The following HDGF variants were observed in gnomAD, a reference collection of about 807,000 sequenced individuals.
HDGF encodes the protein hepatoma-derived growth factor.
Under a neutral mutation model 30.0 loss-of-function variants are expected in HDGF, and 5 were observed. The observed-to-expected ratio is 0.17, with a 90% confidence interval of 0.09 to 0.35. The LOEUF (loss-of-function observed/expected upper bound fraction) is 0.35, where lower values mean the gene tolerates loss of function less well. Among genes scored for constraint, HDGF ranks in the 10% least tolerant of loss-of-function variants. The pLI, the probability that HDGF is intolerant of heterozygous loss-of-function variation, is 1.00. For missense variants in HDGF, 214 were observed against 302.8 expected (o/e 0.71, Z 2.18); for synonymous variants, 133 against 112.7 (o/e 1.18, Z -1.14).
At chr1:156,754,992 CG>C (rs1651132146), upstream of HDGF, among the ~76,000 whole-genome samples, 1 of 152,094 alleles carries the variant, frequency 6.6e-6, no homozygotes, top group Non-Finnish European at 1.5e-5. Flanking sequence ...TCAGGAGGTT[CG>C]GAGTGTGTGC....
upstream of HDGF, among the ~76,000 whole-genome samples, chr1:156,753,995 A>C (rs1426356268): frequency 6.6e-6 from 1 of 151,330 alleles, no homozygotes; most frequent in Non-Finnish European, 1.5e-5. Context: ...GGCTCACTGC[A>C]ACCTCCGCCT....
chr1:156,758,836 A>G lies in HDGF; in HGVS notation n.373+147T>C, dbSNP rs1335888105. ...CCCCCTAGAGTTAGATTTAATTGCC[A>G]TAAAAGGATTTGTCCAGGAGAAAGA... is the stretch of plus-strand genomic sequence containing the variant. On this transcript the variant is annotated intron_variant and non_coding_transcript_variant, in intron 2 of 7. Coordinates refer to the HDGF transcript ENST00000465180. 3.3e-5 allele frequency: 5 copies of G among 152,324 alleles called. No individual in the cohort carries two copies. The East Asian group carries it at 5.8e-4, about 18-fold the overall frequency. The allele number at this position is 152,324 out of a possible 1,614,324, so 9.4% of individuals were successfully genotyped here.
rs1650266620 is a variant in HDGF, at chr1:156,743,414, G to T, written c.*35C>A. 6.6e-7 allele frequency: 1 copy of T among 1,512,582 alleles called. No homozygotes were observed. Among genetic ancestry groups the T allele is most frequent in the Non-Finnish European group, 8.8e-7 (1 of 1,134,088 alleles). 93.7% of individuals were successfully genotyped at this position (1,512,582 alleles called of 1,614,324 possible). A position where few individuals can be genotyped will look rare whatever the true frequency, so the allele number is the denominator to read the frequency against. The stretch of plus-strand genomic sequence containing the variant: ...CCCAGTAGCACCCAGACAGCAGCAG[G>T]AACAGGGTGGGGGCTCCTCTTGAAA... On this transcript the variant is annotated 3_prime_UTR_variant, in exon 6 of 6. Coordinates refer to ENST00000357325, the MANE Select transcript of HDGF (RefSeq NM_004494.3).
At chr1:156,751,967 G>T (rs1651015391), upstream of HDGF, 9 of 1,424,446 alleles carry the variant, frequency 6.3e-6, no homozygotes, top group Non-Finnish European at 6.7e-6. This position sits in a 1 kb window ranked among gnomAD's most constrained non-coding sequence, Gnocchi z 4.7. Context: ...GTGCCCGCCC[G>T]CCCGGGAGGA....
At chr1:156,750,052 G>A (rs928839667) in intron 1 of HDGF, among the ~76,000 whole-genome samples, 1 of 152,174 alleles carries the variant, frequency 6.6e-6, no homozygotes, top group African/African-American at 2.4e-5. Flanking sequence ...GGAACCAGGA[G>A]CTCAAGGCAT....
intron 1 of HDGF, among the ~76,000 whole-genome samples, chr1:156,765,472 CTTTTT>C (rs71080793): frequency 1.5e-4 from 13 of 86,016 alleles, no homozygotes; most frequent in South Asian, 4.5e-4. Context: ...TTCTTTCTTT[CTTTTT>C]TTTTTTTTTT....
At chr1:156,744,562 G>A (rs993070755) in intron 3 of HDGF, 9 of 1,533,126 alleles carry the variant, frequency 5.9e-6, no homozygotes, top group African/African-American at 1.4e-5. Context: ...TGTGCAGGAG[G>A]GGGGAGGGCT....
upstream of HDGF, chr1:156,751,820 C>T: frequency 1.2e-6 from 1 of 860,026 alleles, no homozygotes; most frequent in Non-Finnish European, 1.5e-6. The surrounding 1 kb of genome is among the most constrained non-coding windows in gnomAD (Gnocchi z 4.7). Context: ...CGGTTTGATG[C>T]GTGCAGCTTC....
rs111789231 is a variant in HDGF at position 156,749,546 on chromosome 1, T to C, written c.87+1797A>G. Among the ~76,000 whole-genome samples the C allele has an allele frequency of 4.7e-3, 716 of 152,274 alleles. 7 individuals are homozygous for C. Among genetic ancestry groups the C allele is most frequent in the African/African-American group, 0.017 (686 of 41,568 alleles). ...TCTCCCTACCCCAGTTCTAACTTTA[T>C]CTAAAAGGTCCAGGCCTCAACAGAG... On this transcript the variant is annotated intron_variant, in intron 1 of 5. Transcript: ENST00000357325.
chr1:156,748,288 C>T (rs949952982), intron 1 of HDGF, among the ~76,000 whole-genome samples: 1 of 152,184 alleles, frequency 6.6e-6, no homozygotes. Context: ...TCCTTTCTTA[C>T]ATTTGGAAGT....
upstream of HDGF, chr1:156,752,043 C>T (rs1432453449): frequency 8.4e-6 from 13 of 1,551,226 alleles, no homozygotes; most frequent in Non-Finnish European, 1.1e-5. Flanking sequence ...CTCACCACCG[C>T]GGCCCCAGCG....
intron 1 of HDGF, among the ~76,000 whole-genome samples, chr1:156,749,813 G>A (rs538242549): frequency 6.6e-6 from 1 of 152,138 alleles, no homozygotes; most frequent in East Asian, 1.9e-4. Context: ...CAAGGGCTTA[G>A]TCCAGCCTCT....
At chr1:156,745,583 C>A (rs1307014788) in intron 1 of HDGF, among the ~76,000 whole-genome samples, 1 of 152,142 alleles carries the variant, frequency 6.6e-6, no homozygotes, top group African/African-American at 2.4e-5. Flanking sequence ...GGAATCCTTC[C>A]CTCTCCGTCA....
rs763602989 is a variant in HDGF, at chr1:156,751,444, C to A, written c.-15G>T. ...GATCGCGACATGGCGGGGCTCCGGG[C>A]GCCCCGGGCTCCGCGCCGGGCCGGG... is the stretch of plus-strand genomic sequence containing the variant. On this transcript the variant is annotated 5_prime_UTR_variant, in exon 1 of 6. Transcript: ENST00000357325. This position sits in a 1 kb window ranked among gnomAD's most constrained non-coding sequence, Gnocchi z 4.7. 2.8e-5 allele frequency: 43 copies of A among 1,546,986 alleles called. No homozygotes were observed. The highest frequency in any genetic ancestry group is 3.8e-5 in the Non-Finnish European group (43 of 1,144,412).
intron 1 of HDGF, chr1:156,759,262 A>G (rs184418545): frequency 4.1e-4 from 62 of 152,316 alleles, no homozygotes; most frequent in African/African-American, 1.3e-3. Context: ...AGTCATCTCC[A>G]TGTTACCCCT....
intron 1 of HDGF, chr1:156,766,671 G>A (rs1214522785): frequency 6.6e-6 from 1 of 152,380 alleles, no homozygotes; most frequent in African/African-American, 2.4e-5. Flanking sequence ...GTAAAGGAAT[G>A]TAAAGGACAT....
chr1:156,744,661 C>CACAA, intron 3 of HDGF: 1 of 687,472 alleles, frequency 1.5e-6, no homozygotes, highest in Non-Finnish European at 2.1e-6. Flanking sequence ...CCTCCCGCCT[C>CACAA]GTCCTGCCCG....
At chr1:156,745,978 C>T (rs559651808) in intron 1 of HDGF, among the ~76,000 whole-genome samples, 10 of 152,330 alleles carry the variant, frequency 6.6e-5, no homozygotes, top group South Asian at 4.1e-4. Context: ...ACATCCTACA[C>T]GTCTTTGCTT....
At chr1:156,747,029 C>G (rs1650600871) in intron 1 of HDGF, among the ~76,000 whole-genome samples, 1 of 151,906 alleles carries the variant, frequency 6.6e-6, no homozygotes, top group Non-Finnish European at 1.5e-5. Context: ...TCCCCGCTTG[C>G]CCCGTGGCCT....
Sources: gnomAD v4.1 joint callset for allele counts (sites outside exome capture counted in the v4.1 genomes callset) on GRCh38, gnomAD v4.1.1 for gene constraint, Gnocchi (gnomAD v3.1) non-coding constraint, MANE v1.5 for transcripts, NCBI Gene and HGNC (gene_info 2026-07-23, HGNC 2026-07-21) for gene names.